The following CD84 variants were observed in gnomAD, a reference collection of about 807,000 sequenced individuals.
CD84 encodes CD84 molecule.
A neutral mutation model predicts 33.8 loss-of-function variants in CD84; 22 were observed. The ratio of observed to expected loss-of-function variants is 0.65; its 90% CI spans 0.46 to 0.93. The LOEUF (loss-of-function observed/expected upper bound fraction) is 0.93. CD84 is among the 40% of genes least tolerant of loss of function. CD84 has a pLI of 0.00. For missense variants in CD84, 400 were observed against 397.6 expected (o/e 1.01, Z -0.05); for synonymous variants, 154 against 145.2 (o/e 1.06, Z -0.44).
intron 1 of CD84, among the ~76,000 whole-genome samples, chr1:160,575,483 A>G (rs1441431221): frequency 6.9e-6 from 1 of 144,234 alleles, no homozygotes; most frequent in African/African-American, 2.6e-5. Flanking sequence ...TACTTGAATC[A>G]GTTCCTTCAA....
Position 160,565,682 on chromosome 1 carries a change from A to G in CD84, c.110T>C (p.Val37Ala), listed in dbSNP as rs764123830. 2.5e-6 allele frequency: 4 copies of G among 1,613,708 alleles called. No individual in the cohort carries two copies. The Admixed American group carries it at 6.7e-5, about 27-fold the overall frequency. The change falls in exon 2 of 7, where the codon GTC becomes GCC. Residue 37 changes from valine (V) to alanine (A), a missense_variant. Physicochemically the swap from Val to Ala is moderately conservative, Grantham distance 64. Coordinates refer to ENST00000368054, the MANE Select transcript of CD84 (RefSeq NM_003874.4). ...FTVNGILGES[V>A]TFPVNIQEPR... is the part of the protein sequence containing the mutation. ...TTCTTGGATATTTACAGGGAAAGTG[A>G]CTGACTCTCCCAGAATCCCATTCAC...
At chr1:160,548,656 G>A (rs974073241) in intron 6 of CD84, among the ~76,000 whole-genome samples, 1 of 152,128 alleles carries the variant, frequency 6.6e-6, no homozygotes. Flanking sequence ...CTTGTTCCTA[G>A]TTGACCCCTA....
chr1:160,556,180 T>C (rs1194344760), intron 2 of CD84, among the ~76,000 whole-genome samples: 2 of 152,198 alleles, frequency 1.3e-5, no homozygotes, highest in African/African-American at 4.8e-5. Flanking sequence ...CTCACTTTTC[T>C]CAGCAGGAAC....
At position 160,572,726 on chromosome 1, in the gene CD84, C is replaced by T. The variant is rs114047288; in HGVS notation, c.46+6666G>A. Among the ~76,000 whole-genome samples, 728 of 152,218 alleles carry T rather than the reference C, an allele frequency of 4.8e-3. 4 individuals are homozygous for T. The highest frequency in any genetic ancestry group is 0.016 in the African/African-American group (685 of 41,524). On this transcript the variant is annotated intron_variant, in intron 1 of 6. Coordinates refer to ENST00000368054, the MANE Select transcript of CD84 (RefSeq NM_003874.4). ...TTTTCCAAAGAGTGTGATTTCGTGA[C>T]CTTCTTATGCCAGAACACAAATGGG... is the stretch of plus-strand genomic sequence containing the variant.
At chr1:160,550,780 G>T in intron 5 of CD84, 158 bp downstream of exon 5, 1 of 985,328 alleles carries the variant, frequency 1.0e-6, no homozygotes, top group South Asian at 4.7e-5. Context: ...AGAAAGATCC[G>T]TGGCATCACT....
Position 160,553,402 on chromosome 1 carries a change from A to G in CD84, c.736T>C (p.Phe246Leu), listed in dbSNP as rs749619938. The G allele has an allele frequency of 5.6e-6, 9 of 1,614,040 alleles. No individual in the cohort carries two copies. Among genetic ancestry groups the G allele is most frequent in the African/African-American group, 1.3e-5 (1 of 74,916 alleles). Residue 246 changes from phenylalanine (F) to leucine (L), a missense_variant, in exon 4 of 7, where the codon TTC becomes CTC. Coordinates refer to ENST00000368054, the MANE Select transcript of CD84 (RefSeq NM_003874.4). ...CCTTGTCTTCTCTTGAACAAACGGA[A>G]CAAAAACACTGAAGACAGAATGAGA... ...LVLILSSVFL[F>L]RLFKRRQDAA...
intron 2 of CD84, among the ~76,000 whole-genome samples, chr1:160,554,470 A>C (rs1656471854): frequency 6.6e-6 from 1 of 152,144 alleles, no homozygotes; most frequent in Non-Finnish European, 1.5e-5. Flanking sequence ...CCCCACAGAA[A>C]TTTGCAATTG....
rs1444122414 is a variant in CD84 at position 160,547,992 on chromosome 1, T to C, written c.*264A>G. The C allele has an allele frequency of 6.6e-5, 33 of 498,554 alleles. No homozygotes were observed. In the South Asian group the frequency reaches 6.6e-4, roughly 10 times the overall value. 30.9% of individuals were successfully genotyped at this position (498,554 alleles called of 1,614,324 possible). ...ATATTATTTTCTACATGTGCTATGA[T>C]GGGAAGAAGTTTGGGAAAACTATAC... On this transcript the variant is annotated 3_prime_UTR_variant, in exon 7 of 7. Transcript: ENST00000368054.
chr1:160,564,606 C>A lies in CD84; in HGVS notation c.388+798G>T, dbSNP rs553613160. ...AAAAGGTATAAACTATTAGTACACA[C>A]AAGAGTTTGGATGAATCTCAGTGAC... On this transcript the variant is annotated intron_variant, in intron 2 of 6. Transcript: ENST00000368054. Among the ~76,000 whole-genome samples, 11 of 152,296 alleles carry A rather than the reference C, an allele frequency of 7.2e-5. No homozygotes were observed. In the South Asian group the frequency reaches 2.3e-3, roughly 32 times the overall value.
Position 160,548,148 on chromosome 1 carries a change from G to T in CD84, c.*108C>A. ...TTTGCTTACAGGCTGAGATGTGGCA[G>T]TTTGCAATCTCCCAGTAAGAGTTGG... is the stretch of plus-strand genomic sequence containing the variant. On this transcript the variant is annotated 3_prime_UTR_variant, in exon 7 of 7. Transcript: ENST00000368054. 1 of 1,186,732 alleles carries T rather than the reference G, an allele frequency of 8.4e-7. No individual in the cohort carries two copies. Among genetic ancestry groups the T allele is most frequent in the Non-Finnish European group, 1.2e-6 (1 of 806,850 alleles). The allele number at this position is 1,186,732 out of a possible 1,614,324, so 73.5% of individuals were successfully genotyped here.
chr1:160,548,418 G>A, intron 6 of CD84, 97 bp from the exon 7 acceptor site: 1 of 1,244,242 alleles, frequency 8.0e-7, no homozygotes, highest in Non-Finnish European at 1.2e-6. Flanking sequence ...AAATGGCACG[G>A]GGGAATGCCT....
chr1:160,566,866 A>G (rs1224347409), intron 1 of CD84, among the ~76,000 whole-genome samples: 2 of 152,184 alleles, frequency 1.3e-5, no homozygotes, highest in African/African-American at 4.8e-5. Context: ...TCTCTCCTCT[A>G]TCACTTTTGA....
chr1:160,575,647 T>A lies in CD84; in HGVS notation c.46+3745A>T, dbSNP rs141092136. 2.4e-4 allele frequency among the ~76,000 whole-genome samples: 36 copies of A among 152,254 alleles called. No individual in the cohort carries two copies. The East Asian group carries it at 4.4e-3, about 19-fold the overall frequency. On this transcript the variant is annotated intron_variant, in intron 1 of 6. Transcript: ENST00000368054. ...GAGTACCTAGTCAGTTCCACCTATA[T>A]CAGCCCCCAGCTGATTGCTCATACC...
intron 1 of CD84, among the ~76,000 whole-genome samples, chr1:160,573,957 G>A (rs1657844697): frequency 3.3e-5 from 5 of 152,076 alleles, no homozygotes; most frequent in Admixed American, 1.3e-4. Flanking sequence ...GTCAGGCATG[G>A]TAATGCATGC....
At position 160,565,387 on chromosome 1, in the gene CD84, G is replaced by A. The variant is rs536683612; in HGVS notation, c.388+17C>T. The A allele has an allele frequency of 1.3e-5, 20 of 1,548,714 alleles. No homozygotes were observed. The South Asian group carries it at 1.7e-4, about 13-fold the overall frequency. ...AGTAAAAATAAAACACAAGCTCTCCGTCTTCCCATGACTTACGATAGATTT... is the reference window on the plus strand; with the variant it reads ...AGTAAAAATAAAACACAAGCTCTCCATCTTCCCATGACTTACGATAGATTT... On this transcript the variant is annotated intron_variant, in intron 2 of 6. Transcript: ENST00000368054.
intron 2 of CD84, among the ~76,000 whole-genome samples, chr1:160,561,179 T>A (rs908505711): frequency 9.9e-5 from 15 of 152,156 alleles, no homozygotes; most frequent in African/African-American, 3.4e-4. Context: ...GCCATCATCA[T>A]CCTGATACCA....
chr1:160,564,310 C>G (rs1233389334), intron 2 of CD84, among the ~76,000 whole-genome samples: 1 of 152,156 alleles, frequency 6.6e-6, no homozygotes, highest in Non-Finnish European at 1.5e-5. Context: ...TGTAGAGAAA[C>G]TGGATCACTC....
chr1:160,563,471 T>C (rs1257075295), intron 2 of CD84, among the ~76,000 whole-genome samples: 2 of 152,138 alleles, frequency 1.3e-5, no homozygotes, highest in Non-Finnish European at 2.9e-5. Flanking sequence ...TTGGAAGCCA[T>C]TACCCTCAGC....
chr1:160,572,577 G>T (rs1467793071), intron 1 of CD84, among the ~76,000 whole-genome samples: 4 of 133,382 alleles, frequency 3.0e-5, no homozygotes, highest in Non-Finnish European at 6.3e-5. Flanking sequence ...TGTAAAAATT[G>T]GGGGGGGGAA....
Sources: allele counts gnomAD v4.1 joint callset (sites outside exome capture counted in the v4.1 genomes callset), GRCh38; gene constraint gnomAD v4.1.1; transcripts MANE v1.5; gene names NCBI Gene and HGNC (gene_info 2026-07-23, HGNC 2026-07-21).